TMEM165: variants seen among roughly 807,000 people sequenced by gnomAD.
TMEM165 encodes transmembrane protein 165, also known as putative divalent cation/proton antiporter TMEM165.
In TMEM165, 19 loss-of-function variants were observed where a neutral mutation model predicts 30.0. The observed-to-expected ratio is 0.63, with a 90% CI of 0.44 to 0.93. TMEM165 has a LOEUF of 0.93. Ranked by LOEUF, TMEM165 falls within the 40% of genes least tolerant of loss-of-function variation. The pLI is 0.00. For missense variants in TMEM165, 340 were observed against 417.0 expected (o/e 0.82, Z 1.61); for synonymous variants, 168 against 162.9 (o/e 1.03, Z -0.24).
At chr4:55,405,700 TTC>T (rs1474540880) in intron 1 of TMEM165, among the ~76,000 whole-genome samples, 1 of 152,196 alleles carries the variant, frequency 6.6e-6, no homozygotes, top group Non-Finnish European at 1.5e-5. Flanking sequence ...AATTTTTTCC[TTC>T]TCTTATTTGT....
chr4:55,449,753 A>G lies in TMEM165; in HGVS notation c.409-2486A>G, dbSNP rs548755203. 2.0e-5 allele frequency among the ~76,000 whole-genome samples: 3 copies of G among 152,308 alleles called. No homozygotes were observed. The East Asian group carries it at 5.8e-4, about 29-fold the overall frequency. ...AATGACAATTATACAAGTCTTCAAAAAGAGAAGACAATAAAAAACTTTCAA... is the reference window on the plus strand; with the variant it reads ...AATGACAATTATACAAGTCTTCAAAGAGAGAAGACAATAAAAAACTTTCAA... On this transcript the variant is annotated intron_variant, in intron 3 of 3. Transcript: ENST00000608091.
intron 1 of TMEM165, among the ~76,000 whole-genome samples, chr4:55,409,372 C>T (rs928192485): frequency 7.2e-5 from 11 of 152,100 alleles, no homozygotes; most frequent in African/African-American, 2.4e-4. Flanking sequence ...TCTGTTTTTA[C>T]GCTGTCCAAA....
rs897509340 is a variant in TMEM165 at position 55,411,915 on chromosome 4, C to T, written c.433+76C>T. On this transcript the variant is annotated intron_variant, in intron 2 of 5. Coordinates refer to ENST00000381334, the MANE Select transcript of TMEM165 (RefSeq NM_018475.5). ...GTTGTGTGACATGGAGTCACTGAGT[C>T]ATTAACCTAGTCTTATGGGAATTTG... The T allele has an allele frequency of 1.0e-5, 14 of 1,381,518 alleles. No individual in the cohort carries two copies. The African/African-American group carries it at 1.6e-4, about 15-fold the overall frequency. The allele number at this position is 1,381,518 out of a possible 1,614,324, so 85.6% of individuals were successfully genotyped here. A position where few individuals can be genotyped will look rare whatever the true frequency, so the allele number is the denominator to read the frequency against.
rs201442525 is a variant in TMEM165, at chr4:55,437,276, CAT to C, written c.408+12634_408+12635del. 7.9e-3 allele frequency among the ~76,000 whole-genome samples: 1,205 copies of C among 152,282 alleles called. 12 individuals are homozygous for C. The highest frequency in any genetic ancestry group is 0.014 in the Middle Eastern group (4 of 294). On this transcript the variant is annotated intron_variant, in intron 3 of 3. Coordinates refer to the TMEM165 transcript ENST00000608091. ...AATATAGAGTACAATAATCACATCA[CAT>C]GTTATATAACCCAGAAATTGATGAT...
downstream of TMEM165, among the ~76,000 whole-genome samples, chr4:55,427,422 A>C (rs1195015798): frequency 1.3e-5 from 2 of 151,308 alleles, no homozygotes; most frequent in African/African-American, 4.9e-5. Context: ...GGCTCACTGC[A>C]ACCTCTGCCT....
At chr4:55,401,733 G>A (rs1560386781) in intron 1 of TMEM165, among the ~76,000 whole-genome samples, 2 of 150,170 alleles carry the variant, frequency 1.3e-5, no homozygotes, top group Admixed American at 1.3e-4. Context: ...TTATAAGGAC[G>A]CCTGCTCATA....
In TMEM165 at chr4:55,399,165, T is replaced by C. The variant is rs148577814; in HGVS notation, c.207+2769T>C. 4 of 152,300 alleles carry C rather than the reference T, an allele frequency of 2.6e-5. No homozygotes were observed. The East Asian group carries it at 5.8e-4, about 22-fold the overall frequency. The allele number at this position is 152,300 out of a possible 1,614,324, so 9.4% of individuals were successfully genotyped here. Reference sequence around the variant, plus strand: ...AATAACCCATGGTAACAGAGAGATATAATGCAGTGATGTCAGAGGTGTACA... The same window carrying C: ...AATAACCCATGGTAACAGAGAGATACAATGCAGTGATGTCAGAGGTGTACA... On this transcript the variant is annotated intron_variant, in intron 1 of 5. Transcript: ENST00000381334.
chr4:55,407,460 A>G (rs1229371688), intron 1 of TMEM165, among the ~76,000 whole-genome samples: 1 of 152,230 alleles, frequency 6.6e-6, no homozygotes, highest in Non-Finnish European at 1.5e-5. Flanking sequence ...TTTTAAAAAT[A>G]TTGCTTATAA....
chr4:55,425,531 G>A lies in TMEM165; in HGVS notation c.*79G>A. 8.7e-7 allele frequency: 1 copy of A among 1,147,854 alleles called. No individual in the cohort carries two copies. The highest frequency in any genetic ancestry group is 1.3e-6 in the Non-Finnish European group (1 of 779,928). 71.1% of individuals were successfully genotyped at this position (1,147,854 alleles called of 1,614,324 possible). On this transcript the variant is annotated 3_prime_UTR_variant, in exon 6 of 6. Coordinates refer to ENST00000381334, the MANE Select transcript of TMEM165 (RefSeq NM_018475.5). ...TACATAGTGTACATTACAACTAAAA[G>A]TGATGGAAAAATACTGTATTTTGTA...
intron 4 of TMEM165, among the ~76,000 whole-genome samples, chr4:55,420,021 G>T (rs13128180): frequency 0.29 from 42,667 of 145,320 alleles, 6,972 homozygotes; most frequent in East Asian, 0.58. Context: ...ACTTGAAACC[G>T]GGAGGCAGAG....
intron 1 of TMEM165, among the ~76,000 whole-genome samples, chr4:55,400,213 ATAT>A (rs1334090470): frequency 2.0e-4 from 5 of 24,648 alleles, no homozygotes; most frequent in South Asian, 6.8e-3. Context: ...ATTTATATTT[ATAT>A]TATATATTAA....
chr4:55,427,638 C>T (rs571222974), downstream of TMEM165, among the ~76,000 whole-genome samples: 2 of 152,268 alleles, frequency 1.3e-5, no homozygotes, highest in South Asian at 4.1e-4. Flanking sequence ...AGCCACCGCA[C>T]CCAACCGTTT....
chr4:55,449,560 T>C, intron 3 of TMEM165: 1 of 1,329,698 alleles, frequency 7.5e-7, no homozygotes, highest in Non-Finnish European at 1.1e-6. Flanking sequence ...AAGATTAATC[T>C]CAAAATGTAT....
In TMEM165 at chr4:55,449,345, T is replaced by C. The variant is rs772875463; in HGVS notation, c.409-2894T>C. On this transcript the variant is annotated intron_variant, in intron 3 of 3. Coordinates refer to the TMEM165 transcript ENST00000608091. ...GAATTTCTGAAGATTTAGATCATTT[T>C]TCCCCTCTTAATAAATCTTTATTCA... The C allele has an allele frequency of 7.5e-6, 11 of 1,467,550 alleles. No homozygotes were observed. In the Admixed American group the frequency reaches 1.8e-4, roughly 25 times the overall value. The allele number at this position is 1,467,550 out of a possible 1,614,324, so 90.9% of individuals were successfully genotyped here. A position where few individuals can be genotyped will look rare whatever the true frequency, so the allele number is the denominator to read the frequency against.
chr4:55,411,342 G>T (rs972265168), intron 1 of TMEM165, among the ~76,000 whole-genome samples: 3 of 152,048 alleles, frequency 2.0e-5, no homozygotes, highest in African/African-American at 7.2e-5. Context: ...TGGATTAGGG[G>T]TACTCAGCTA....
intron 1 of TMEM165, among the ~76,000 whole-genome samples, chr4:55,406,180 G>T (rs978519115): frequency 3.9e-5 from 6 of 152,208 alleles, no homozygotes; most frequent in African/African-American, 1.4e-4. Context: ...ATACAGAGCA[G>T]TGCTTTTTGG....
At position 55,424,585 on chromosome 4, in the gene TMEM165, C is replaced by T; in HGVS notation, c.840C>T (p.Cys280=). The part of the protein sequence containing the change: ...AVGGTVGHCL[C]TGLAVIGGRM... ...GTGGAACTGTGGGGCACTGCCTGTGCACGGGATTGGCAGTAATTGGAGGAA... is the reference window on the plus strand; with the variant it reads ...GTGGAACTGTGGGGCACTGCCTGTGTACGGGATTGGCAGTAATTGGAGGAA... Residue 280 remains cysteine, a synonymous_variant, in exon 5 of 6, where the codon TGC becomes TGT. Transcript: ENST00000381334. 6.2e-7 allele frequency: 1 copy of T among 1,613,904 alleles called. No homozygotes were observed. Among genetic ancestry groups the T allele is most frequent in the Non-Finnish European group, 8.5e-7 (1 of 1,179,834 alleles).
At chr4:55,413,093 C>T (rs1721581638) in intron 2 of TMEM165, among the ~76,000 whole-genome samples, 1 of 151,614 alleles carries the variant, frequency 6.6e-6, no homozygotes, top group Admixed American at 6.6e-5. Context: ...GATCCTTCCA[C>T]CTCAGCCTCC....
downstream of TMEM165, chr4:55,428,973 C>CTTTTTT (rs35261810): frequency 2.4e-5 from 3 of 125,750 alleles, no homozygotes; most frequent in Admixed American, 8.2e-5. Flanking sequence ...GCTGACACAT[C>CTTTTTT]TTTTTTTTTT....
Sources: gnomAD v4.1 joint callset for allele counts (sites outside exome capture counted in the v4.1 genomes callset) on GRCh38, gnomAD v4.1.1 for gene constraint, MANE v1.5 for transcripts, NCBI Gene and HGNC (gene_info 2026-07-23, HGNC 2026-07-21) for gene names.